The following USP28 variants were observed in gnomAD, a reference collection of about 807,000 sequenced individuals.
USP28 encodes the protein ubiquitin specific peptidase 28.
USP28 carries 113 observed loss-of-function variants against 145.0 expected under a neutral mutation model. The ratio of observed to expected loss-of-function variants is 0.78; its 90% CI spans 0.67 to 0.91. USP28 has a LOEUF of 0.91. Among genes scored for constraint, USP28 ranks in the 40% least tolerant of loss-of-function variants. The pLI, the probability that USP28 is intolerant of heterozygous loss-of-function variation, is 0.00. For missense variants in USP28, 1,201 were observed against 1,289.6 expected, an observed-to-expected ratio of 0.93 and a Z score of 1.05; for synonymous variants, 447 against 450.9, an observed-to-expected ratio of 0.99 and a Z score of 0.11.
intron 13 of USP28, among the ~76,000 whole-genome samples, chr11:113,817,354 G>A (rs997008142): frequency 6.6e-6 from 1 of 152,218 alleles, no homozygotes; most frequent in Non-Finnish European, 1.5e-5. Context: ...TTTCCTCTGA[G>A]AAAGGCCTTT....
intron 1 of USP28, among the ~76,000 whole-genome samples, chr11:113,858,010 T>G (rs912825364): frequency 1.3e-4 from 20 of 152,106 alleles, no homozygotes; most frequent in African/African-American, 4.6e-4. Context: ...GGACTACGGG[T>G]GCCCACCACC....
At chr11:113,859,996 A>T (rs1202367005) in intron 1 of USP28, among the ~76,000 whole-genome samples, 1 of 152,198 alleles carries the variant, frequency 6.6e-6, no homozygotes, top group East Asian at 1.9e-4. Context: ...CTTCTCAGGA[A>T]GGAGATTTTC....
chr11:113,809,168 G>A (rs753021957), exon 17 of USP28: 9 of 1,614,036 alleles, frequency 5.6e-6, no homozygotes, highest in Admixed American at 3.3e-5. Context: ...TGCTCAAACC[G>A]CCAGTTATCC....
Position 113,872,336 on chromosome 11 carries a change from C to T in USP28, c.57+3109G>A, listed in dbSNP as rs185885135. 6.6e-5 allele frequency among the ~76,000 whole-genome samples: 10 copies of T among 152,016 alleles called. No homozygotes were observed. The East Asian group carries it at 1.9e-3, about 30-fold the overall frequency. On this transcript the variant is annotated intron_variant, in intron 1 of 24. Transcript: ENST00000003302. ...CCCGTCTCTACTAAAAATACAGAAACATCAGCCGGGCGTGGTGGTGGGCAC... is the reference window on the plus strand; with the variant it reads ...CCCGTCTCTACTAAAAATACAGAAATATCAGCCGGGCGTGGTGGTGGGCAC...
At chr11:113,874,826 T>A in intron 1 of USP28, 1 of 1,052,036 alleles carries the variant, frequency 9.5e-7, no homozygotes, top group Non-Finnish European at 1.2e-6. Context: ...GAACAGGAGA[T>A]CATCATCAGT....
chr11:113,869,749 A>G (rs1437715379), intron 1 of USP28, among the ~76,000 whole-genome samples: 1 of 152,216 alleles, frequency 6.6e-6, no homozygotes, highest in Admixed American at 6.5e-5. Flanking sequence ...CATGCCTAGT[A>G]TAACAACCCT....
chr11:113,852,437 T>A, intron 3 of USP28, 64 bp downstream of exon 3: 2 of 1,599,946 alleles, frequency 1.3e-6, no homozygotes, highest in East Asian at 2.2e-5. Flanking sequence ...GGAACTCACA[T>A]ATACTTGGTT....
At chr11:113,851,612 T>C (rs900130424) in intron 3 of USP28, among the ~76,000 whole-genome samples, 8 of 152,098 alleles carry the variant, frequency 5.3e-5, no homozygotes, top group African/African-American at 1.9e-4. Context: ...CTGGCCAACA[T>C]GGTAAAACCC....
chr11:113,844,061 C>T (rs530353806), intron 3 of USP28, among the ~76,000 whole-genome samples: 29 of 151,900 alleles, frequency 1.9e-4, no homozygotes, highest in Non-Finnish European at 3.4e-4. Flanking sequence ...GATTAGGCAA[C>T]GGAATCTTAG....
intron 1 of USP28, among the ~76,000 whole-genome samples, chr11:113,870,683 G>C (rs1948727165): frequency 6.6e-6 from 1 of 152,220 alleles, no homozygotes; most frequent in Non-Finnish European, 1.5e-5. Flanking sequence ...CTCATTATTT[G>C]GCTTTTGCAG....
At chr11:113,862,482 C>T (rs773059635) in intron 1 of USP28, among the ~76,000 whole-genome samples, 2 of 152,060 alleles carry the variant, frequency 1.3e-5, no homozygotes, top group South Asian at 2.1e-4. Context: ...GGAAGATATA[C>T]GAAGGAAGAA....
intron 16 of USP28, among the ~76,000 whole-genome samples, chr11:113,811,190 C>T (rs751888527): frequency 6.6e-6 from 1 of 152,116 alleles, no homozygotes; most frequent in African/African-American, 2.4e-5. Context: ...ACTTTAGAAC[C>T]CTTTGGAATC....
rs543918605 is a variant in USP28, at chr11:113,814,724, T to G, written c.1672+450A>C. On this transcript the variant is annotated intron_variant, in intron 14 of 24. Coordinates refer to ENST00000003302, the Ensembl canonical transcript of USP28. The stretch of plus-strand genomic sequence containing the variant: ...AGCCAAGTTTACAGGGCACTAAAAG[T>G]GCAAAAGAAGTCACAATTACCATGT... Among the ~76,000 whole-genome samples, 51 of 152,086 alleles carry G rather than the reference T, an allele frequency of 3.4e-4. No individual in the cohort carries two copies. The South Asian group carries it at 9.8e-3, about 29-fold the overall frequency.
intron 24 of USP28, among the ~76,000 whole-genome samples, 156 bp from the exon 26 acceptor site, chr11:113,799,571 G>A (rs762743349): frequency 2.0e-5 from 3 of 152,176 alleles, no homozygotes; most frequent in Admixed American, 6.5e-5. Context: ...CAAACCAGGA[G>A]CAAAGGCAAA....
chr11:113,803,753 C>G, intron 22 of USP28, 45 bp downstream of exon 23: 2 of 1,526,406 alleles, frequency 1.3e-6, no homozygotes, highest in Non-Finnish European at 1.8e-6. Context: ...CTACAGAGAA[C>G]AGCATCCTGA....
chr11:113,830,093 C>CA (rs1163895194), intron 9 of USP28, among the ~76,000 whole-genome samples: 5 of 152,022 alleles, frequency 3.3e-5, no homozygotes. Flanking sequence ...CCAGTTTCTC[C>CA]AAAAAATACA....
chr11:113,847,281 G>A (rs1385702666), intron 3 of USP28, among the ~76,000 whole-genome samples: 4 of 152,002 alleles, frequency 2.6e-5, no homozygotes, highest in Admixed American at 2.0e-4. Context: ...CAACACTACC[G>A]ATGACACAGT....
intron 6 of USP28, 65 bp from the exon 7 acceptor site, chr11:113,833,622 A>C: frequency 6.5e-7 from 1 of 1,530,644 alleles, no homozygotes; most frequent in South Asian, 1.2e-5. Context: ...CGTGTAAAGA[A>C]AAAAAAGTTG....
chr11:113,827,655 C>T (rs923719390), intron 10 of USP28, among the ~76,000 whole-genome samples: 3 of 152,110 alleles, frequency 2.0e-5, no homozygotes, highest in Admixed American at 6.5e-5. Flanking sequence ...ATATGTGAAC[C>T]GCACTAAGCA....
Sources: allele counts gnomAD v4.1 joint callset (sites outside exome capture counted in the v4.1 genomes callset), GRCh38; gene constraint gnomAD v4.1.1; transcripts MANE v1.5; gene names NCBI Gene and HGNC (gene_info 2026-07-23, HGNC 2026-07-21).